The following ARID2 variants were observed in gnomAD, a reference collection of about 807,000 sequenced individuals.
ARID2 encodes AT-rich interaction domain 2, also known as AT-rich interactive domain-containing protein 2.
In ARID2, 32 loss-of-function variants were observed where a neutral mutation model predicts 184.6. The observed-to-expected ratio is 0.17, with a 90% CI of 0.13 to 0.23. ARID2 has a LOEUF of 0.23. Ranked by LOEUF, ARID2 falls within the 10% of genes least tolerant of loss-of-function variation. The pLI, the probability that ARID2 is intolerant of heterozygous loss-of-function variation, is 1.00. For synonymous variants in ARID2, 836 were observed against 772.6 expected (o/e 1.08, Z -1.36); for missense variants, 1,696 against 2,197.6 (o/e 0.77, Z 4.56).
chr12:45,837,262 TTGAAGTATACAACTC>T, intron 8 of ARID2, 44 bp from the exon 9 acceptor site: 1 of 1,362,574 alleles, frequency 7.3e-7, no homozygotes, highest in East Asian at 2.3e-5. Context: ...TTTATTAAAT[TTGAAGTATACAACTC>T]TGGAAGAAGC....
intron 11 of ARID2, 64 bp from the exon 12 acceptor site, chr12:45,846,792 A>G (rs2138149884): frequency 6.6e-7 from 1 of 1,518,636 alleles, no homozygotes; most frequent in Non-Finnish European, 9.1e-7. Flanking sequence ...ATCCATAAAA[A>G]AAAGTATGGC....
intron 3 of ARID2, among the ~76,000 whole-genome samples, chr12:45,803,033 A>G (rs956724505): frequency 6.6e-6 from 1 of 151,536 alleles, no homozygotes; most frequent in Admixed American, 6.6e-5. Flanking sequence ...CTGCTTATTC[A>G]TTGTGGCTTT....
In ARID2 at chr12:45,851,966, G is replaced by A. The variant is rs754819988; in HGVS notation, c.3843G>A (p.Gly1281=). ...GAGGAGCCACAAACACCAGCAATGG[G>A]GATACAAAGGAAAATGAAATGCATG... ...CRRGATNTSN[G]DTKENEMHVG... is the part of the protein sequence containing the mutation. Residue 1281 remains glycine, a synonymous_variant, in exon 15 of 21, where the codon GGG becomes GGA. Coordinates refer to ENST00000334344, the MANE Select transcript of ARID2 (RefSeq NM_152641.4). The A allele has an allele frequency of 2.2e-5, 36 of 1,614,008 alleles. No individual in the cohort carries two copies. Among genetic ancestry groups the A allele is most frequent in the Non-Finnish European group, 3.1e-5 (36 of 1,180,012 alleles).
chr12:45,795,726 G>A (rs553291278), intron 3 of ARID2, among the ~76,000 whole-genome samples: 5 of 152,158 alleles, frequency 3.3e-5, no homozygotes, highest in East Asian at 1.9e-4. Context: ...GTGAGCCCCC[G>A]CGCCTGGCCT....
chr12:45,736,827 G>T (rs1293374553), intron 3 of ARID2, among the ~76,000 whole-genome samples: 1 of 152,172 alleles, frequency 6.6e-6, no homozygotes, highest in African/African-American at 2.4e-5. Flanking sequence ...ACTTTATTTT[G>T]CTAATGTGTA....
intron 6 of ARID2, among the ~76,000 whole-genome samples, chr12:45,822,030 A>G (rs1031956754): frequency 6.6e-5 from 10 of 152,344 alleles, no homozygotes; most frequent in East Asian, 1.9e-4. Flanking sequence ...AAGGAAATAT[A>G]GGATGCTTCT....
chr12:45,784,478 C>A (rs1307502797), intron 3 of ARID2, among the ~76,000 whole-genome samples: 1 of 151,894 alleles, frequency 6.6e-6, no homozygotes, highest in Non-Finnish European at 1.5e-5. Context: ...AAGCTGGGGG[C>A]GGTGGCCTGG....
At chr12:45,896,279 C>G (rs1452838227) in intron 20 of ARID2, among the ~76,000 whole-genome samples, 1 of 152,060 alleles carries the variant, frequency 6.6e-6, no homozygotes, top group African/African-American at 2.4e-5. Flanking sequence ...CCCTGTATGC[C>G]CAGGGAAAGA....
chr12:45,855,326 CA>C (rs1472734155), intron 15 of ARID2, among the ~76,000 whole-genome samples: 7 of 152,170 alleles, frequency 4.6e-5, no homozygotes, highest in Non-Finnish European at 1.0e-4. Flanking sequence ...TACATTCTCA[CA>C]AAGGATGTAG....
chr12:45,738,899 C>G (rs1203024883), intron 3 of ARID2, among the ~76,000 whole-genome samples: 1 of 149,044 alleles, frequency 6.7e-6, no homozygotes, highest in Non-Finnish European at 1.5e-5. Context: ...ATTTTCAGAC[C>G]CTACTTTCCC....
In ARID2 at chr12:45,835,511, C is replaced by A. The variant is rs559474629; in HGVS notation, c.706-1078C>A. Among the ~76,000 whole-genome samples the A allele has an allele frequency of 7.8e-4, 119 of 151,918 alleles. 1 individual carries two copies. The highest frequency in any genetic ancestry group is 9.3e-4 in the Non-Finnish European group (63 of 67,952). Reference sequence around the variant, plus strand: ...AGAACTTTGATTCCAAAAAAAAAACCCAGTTGTTTTGAAATATACACATAA... The same window carrying A: ...AGAACTTTGATTCCAAAAAAAAAACACAGTTGTTTTGAAATATACACATAA... On this transcript the variant is annotated intron_variant, in intron 6 of 20. Coordinates refer to ENST00000334344, the MANE Select transcript of ARID2 (RefSeq NM_152641.4).
At chr12:45,788,088 T>C (rs117860706) in intron 3 of ARID2, among the ~76,000 whole-genome samples, 1 of 152,318 alleles carries the variant, frequency 6.6e-6, no homozygotes, top group East Asian at 1.9e-4. Flanking sequence ...TTACCTCACA[T>C]AGTTATCATT....
At chr12:45,892,413 T>C in intron 18 of ARID2, among the ~76,000 whole-genome samples, 1 of 152,198 alleles carries the variant, frequency 6.6e-6, no homozygotes, top group East Asian at 1.9e-4. Flanking sequence ...CTGTGTATGG[T>C]TCTTTTTTCT....
At chr12:45,739,439 T>TG (rs1860061272) in intron 3 of ARID2, among the ~76,000 whole-genome samples, 2 of 2,936 alleles carry the variant, frequency 6.8e-4, no homozygotes, top group Admixed American at 6.0e-3. Flanking sequence ...ATAAAGTTAC[T>TG]TTTTTTTTTT....
At position 45,817,625 on chromosome 12, in the gene ARID2, G is replaced by A. The variant is rs745344609; in HGVS notation, c.419-45G>A. The A allele has an allele frequency of 1.3e-5, 18 of 1,351,394 alleles. 1 individual carries two copies. In the Admixed American group the frequency reaches 2.6e-4, roughly 19 times the overall value. The allele number at this position is 1,351,394 out of a possible 1,614,324, so 83.7% of individuals were successfully genotyped here. Reference sequence around the variant, plus strand: ...TATTCAAGGGATATTCACCATAAAGGTATCTGATCTTTGATATACTTAAGG... The same window carrying A: ...TATTCAAGGGATATTCACCATAAAGATATCTGATCTTTGATATACTTAAGG... On this transcript the variant is annotated intron_variant, in intron 4 of 20. Transcript: ENST00000334344.
intron 3 of ARID2, among the ~76,000 whole-genome samples, chr12:45,795,544 T>C (rs1942375852): frequency 6.6e-6 from 1 of 152,160 alleles, no homozygotes; most frequent in Non-Finnish European, 1.5e-5. Context: ...GCCATTCTCC[T>C]GCCTCAGCCT....
intron 15 of ARID2, among the ~76,000 whole-genome samples, chr12:45,856,946 T>G (rs992684444): frequency 2.6e-5 from 4 of 152,184 alleles, no homozygotes; most frequent in African/African-American, 9.6e-5. Flanking sequence ...CCTGCCCTGT[T>G]CCACTGTTCA....
At chr12:45,801,529 A>G (rs562142450) in intron 3 of ARID2, among the ~76,000 whole-genome samples, 1 of 152,288 alleles carries the variant, frequency 6.6e-6, no homozygotes, top group African/African-American at 2.4e-5. Flanking sequence ...AAAGTAATCA[A>G]AGTAAAAGCG....
intron 12 of ARID2, among the ~76,000 whole-genome samples, chr12:45,847,720 A>G (rs1943470408): frequency 1.3e-5 from 2 of 152,068 alleles, no homozygotes; most frequent in South Asian, 2.1e-4. Flanking sequence ...TTTGTTCCGT[A>G]TTTTTGGTGC....
Sources: gnomAD v4.1 joint callset for allele counts (sites outside exome capture counted in the v4.1 genomes callset) on GRCh38, gnomAD v4.1.1 for gene constraint, MANE v1.5 for transcripts, NCBI Gene and HGNC (gene_info 2026-07-23, HGNC 2026-07-21) for gene names.